The following UHRF1 variants were observed in gnomAD, a reference collection of about 807,000 sequenced individuals.
UHRF1 encodes E3 ubiquitin-protein ligase UHRF1.
A neutral mutation model predicts 96.5 loss-of-function variants in UHRF1; 9 were observed. That is an observed-to-expected ratio of 0.09 (90% CI 0.06 to 0.16). UHRF1 has a LOEUF of 0.16. Among genes scored for constraint, UHRF1 ranks in the 10% least tolerant of loss-of-function variants. UHRF1 has a pLI of 1.00. For synonymous variants in UHRF1, 455 were observed against 469.9 expected (o/e 0.97, Z 0.41); for missense variants, 626 against 1,131.1 (o/e 0.55, Z 6.40).
chr19:4,949,573 C>T (rs771628719), intron 11 of UHRF1, among the ~76,000 whole-genome samples: 3 of 151,852 alleles, frequency 2.0e-5, no homozygotes, highest in South Asian at 2.1e-4. Context: ...ACATGCCTGT[C>T]GTTCCAGTAC....
upstream of UHRF1, among the ~76,000 whole-genome samples, chr19:4,906,508 C>T (rs2032067373): frequency 6.6e-6 from 1 of 152,178 alleles, no homozygotes; most frequent in Admixed American, 6.6e-5. Context: ...AATCCCAGCA[C>T]TTTGGGAAGT....
intron 6 of UHRF1, 27 bp from the exon 7 acceptor site, chr19:4,941,718 G>C (rs767436156): frequency 2.6e-5 from 41 of 1,554,320 alleles, no homozygotes; most frequent in Admixed American, 2.0e-5. Context: ...GGCCCCGCCG[G>C]AGCTGACCCT....
chr19:4,956,077 G>T (rs558993436), intron 15 of UHRF1, among the ~76,000 whole-genome samples: 1 of 152,148 alleles, frequency 6.6e-6, no homozygotes, highest in East Asian at 1.9e-4. Flanking sequence ...TGGGATTACA[G>T]GCACCCACCA....
rs2033817589 is a variant in UHRF1 at position 4,954,937 on chromosome 19, A to G, written c.2130+115A>G. 1.5e-6 allele frequency: 2 copies of G among 1,325,652 alleles called. No individual in the cohort carries two copies. The highest frequency in any genetic ancestry group is 2.1e-6 in the Non-Finnish European group (2 of 954,436). The allele number at this position is 1,325,652 out of a possible 1,614,324, so 82.1% of individuals were successfully genotyped here. A position where few individuals can be genotyped will look rare whatever the true frequency, so the allele number is the denominator to read the frequency against. ...TGTACAGCTCAGTCGCACTGAGTAC[A>G]TTCTTGTGGTTGTGCAACCATCACC... is the stretch of plus-strand genomic sequence containing the variant. On this transcript the variant is annotated intron_variant, in intron 15 of 16. Transcript: ENST00000650932. The surrounding 1 kb of genome is among the most constrained non-coding windows in gnomAD (Gnocchi z 5.9).
chr19:4,938,503 C>G (rs1457369550), intron 5 of UHRF1, among the ~76,000 whole-genome samples: 1 of 151,780 alleles, frequency 6.6e-6, no homozygotes, highest in East Asian at 1.9e-4. Context: ...TTTATTTGTA[C>G]AGCAAGAATA....
At position 4,934,969 on chromosome 19, in the gene UHRF1, C is replaced by G. The variant is rs2033174152; in HGVS notation, c.785+2013C>G. Among the ~76,000 whole-genome samples, 5 of 139,050 alleles carry G rather than the reference C, an allele frequency of 3.6e-5. No homozygotes were observed. In the South Asian group the frequency reaches 1.2e-3, roughly 32 times the overall value. 91.2% of individuals were successfully genotyped at this position (139,050 alleles called of 152,430 possible). A position where few individuals can be genotyped will look rare whatever the true frequency, so the allele number is the denominator to read the frequency against. ...TTATATGGAATCTGATTTTTAAATG[C>G]TGGTGACTAACTTTTTTTTTTTGAG... On this transcript the variant is annotated intron_variant, in intron 5 of 16. Coordinates refer to ENST00000650932, the MANE Select transcript of UHRF1 (RefSeq NM_001048201.3).
chr19:4,936,935 CAA>C (rs1422572942), intron 5 of UHRF1, among the ~76,000 whole-genome samples: 2 of 152,072 alleles, frequency 1.3e-5, no homozygotes, highest in Non-Finnish European at 1.5e-5. Context: ...TTGATACAGT[CAA>C]AAGTGAGTTT....
At chr19:4,958,088 G>A (rs1368342125) in intron 16 of UHRF1, among the ~76,000 whole-genome samples, 2 of 152,250 alleles carry the variant, frequency 1.3e-5, no homozygotes, top group African/African-American at 4.8e-5. Context: ...AAGGTCAGGA[G>A]ATGGGGTGTT....
intron 16 of UHRF1, among the ~76,000 whole-genome samples, chr19:4,959,931 G>T (rs529051482): frequency 6.6e-6 from 1 of 152,318 alleles, no homozygotes; most frequent in African/African-American, 2.4e-5. Context: ...CGTGATCTCA[G>T]CTCACTGCAA....
At chr19:4,947,488 A>ATAT (rs1568427975) in intron 11 of UHRF1, among the ~76,000 whole-genome samples, 1 of 70,372 alleles carries the variant, frequency 1.4e-5, no homozygotes, top group Non-Finnish European at 2.8e-5. Context: ...GATAATAGAT[A>ATAT]TCTTTTTTTT....
rs1419715151 is a variant in UHRF1, at chr19:4,930,323, G to C, written c.409-393G>C. On this transcript the variant is annotated intron_variant, in intron 3 of 16. Coordinates refer to ENST00000650932, the MANE Select transcript of UHRF1 (RefSeq NM_001048201.3). The surrounding 1 kb of genome is among the most constrained non-coding windows in gnomAD (Gnocchi z 4.4). ...GCGTCTTACCATGTTGCCCAGGCTA[G>C]TCTTGAATTCCGGGGCTCAAGCGAT... Among the ~76,000 whole-genome samples the C allele has an allele frequency of 1.3e-5, 2 of 152,188 alleles. No individual in the cohort carries two copies. The highest frequency in any genetic ancestry group is 4.8e-5 in the African/African-American group (2 of 41,448).
chr19:4,932,675 C>G (rs376083221), intron 4 of UHRF1, 66 bp from the exon 5 acceptor site: 3 of 1,567,816 alleles, frequency 1.9e-6, no homozygotes, highest in Non-Finnish European at 1.7e-6. Flanking sequence ...CACCTCGGCT[C>G]GTTTCCCATT....
chr19:4,949,260 CA>C (rs1370580123), intron 11 of UHRF1, among the ~76,000 whole-genome samples: 2 of 152,128 alleles, frequency 1.3e-5, no homozygotes, highest in African/African-American at 4.8e-5. Context: ...TGACATAGGT[CA>C]GGGGTAAAAT....
intron 11 of UHRF1, among the ~76,000 whole-genome samples, chr19:4,949,636 T>C (rs1466323613): frequency 1.3e-5 from 2 of 151,942 alleles, no homozygotes; most frequent in East Asian, 1.9e-4. Context: ...TGAGACCTAC[T>C]TGTGCAACAT....
At chr19:4,940,035 A>C (rs906668811) in intron 5 of UHRF1, among the ~76,000 whole-genome samples, 1 of 151,576 alleles carries the variant, frequency 6.6e-6, no homozygotes, top group Non-Finnish European at 1.5e-5. Context: ...AAAAAAAAAA[A>C]AAACACATGG....
At chr19:4,921,361 C>T (rs1489092147) in intron 2 of UHRF1, among the ~76,000 whole-genome samples, 1 of 152,128 alleles carries the variant, frequency 6.6e-6, no homozygotes, top group African/African-American at 2.4e-5. Context: ...ATTGCTTGAA[C>T]CTGGGAGGCG....
At chr19:4,933,014 C>T in intron 5 of UHRF1, 58 bp downstream of exon 5, 2 of 1,512,052 alleles carry the variant, frequency 1.3e-6, no homozygotes, top group South Asian at 1.3e-5. Context: ...CTCCCGGGGC[C>T]CCCGGACTGG....
intron 5 of UHRF1, among the ~76,000 whole-genome samples, chr19:4,938,442 G>T (rs1385241459): frequency 6.6e-6 from 1 of 151,826 alleles, no homozygotes; most frequent in Non-Finnish European, 1.5e-5. Flanking sequence ...ATTTTTGTCA[G>T]TCTTTACCAA....
At chr19:4,940,474 C>G (rs2033359845) in intron 5 of UHRF1, among the ~76,000 whole-genome samples, 1 of 143,270 alleles carries the variant, frequency 7.0e-6, no homozygotes, top group South Asian at 2.3e-4. Context: ...TCAAGCGATT[C>G]TCCTGCCTCA....
Sources: allele counts gnomAD v4.1 joint callset (sites outside exome capture counted in the v4.1 genomes callset), GRCh38; gene constraint gnomAD v4.1.1; non-coding constraint Gnocchi (gnomAD v3.1); transcripts MANE v1.5; gene names NCBI Gene and HGNC (gene_info 2026-07-23, HGNC 2026-07-21).